The following PIGU variants were observed in gnomAD, a reference collection of about 807,000 sequenced individuals.
PIGU encodes the protein GPI-anchor transamidase component PIGU.
Under a neutral mutation model 49.9 loss-of-function variants are expected in PIGU, and 24 were observed. The observed-to-expected ratio is 0.48, with a 90% CI of 0.35 to 0.68. The LOEUF (loss-of-function observed/expected upper bound fraction) is 0.68, where lower values mean the gene tolerates loss of function less well. Ranked by LOEUF, PIGU falls within the 30% of genes least tolerant of loss-of-function variation. The pLI is 0.01. For synonymous variants in PIGU, 220 were observed against 205.7 expected (o/e 1.07, Z -0.59); for missense variants, 490 against 532.6 (o/e 0.92, Z 0.79).
intron 11 of PIGU, among the ~76,000 whole-genome samples, chr20:34,564,246 C>T (rs367898467): frequency 3.9e-5 from 6 of 152,196 alleles, no homozygotes; most frequent in African/African-American, 1.4e-4. Context: ...TTTTGACAAA[C>T]ACATCACGGT....
At chr20:34,563,884 C>T (rs1349313672) in intron 11 of PIGU, among the ~76,000 whole-genome samples, 1 of 152,126 alleles carries the variant, frequency 6.6e-6, no homozygotes, top group African/African-American at 2.4e-5. Context: ...TAGCATGTAA[C>T]CCCAATAGAT....
chr20:34,629,998 G>T (rs1469040403), intron 6 of PIGU, among the ~76,000 whole-genome samples: 1 of 152,140 alleles, frequency 6.6e-6, no homozygotes, highest in Non-Finnish European at 1.5e-5. Flanking sequence ...GGCCTACAAA[G>T]AGGATTACTA....
At chr20:34,577,440 G>A (rs531481968) in intron 10 of PIGU, among the ~76,000 whole-genome samples, 2 of 152,348 alleles carry the variant, frequency 1.3e-5, no homozygotes, top group African/African-American at 4.8e-5. Flanking sequence ...TCACGGCCGG[G>A]TATGGTGGCT....
intron 1 of PIGU, among the ~76,000 whole-genome samples, chr20:34,671,353 C>G (rs1987300472): frequency 6.6e-6 from 1 of 152,008 alleles, no homozygotes; most frequent in African/African-American, 2.4e-5. Flanking sequence ...CCTCTGCCCC[C>G]CGGGTTCAAG....
At chr20:34,669,871 A>T (rs1244565680) in intron 1 of PIGU, among the ~76,000 whole-genome samples, 1 of 152,126 alleles carries the variant, frequency 6.6e-6, no homozygotes, top group Non-Finnish European at 1.5e-5. Context: ...GGGACCCTAA[A>T]AATTAAGAGA....
intron 6 of PIGU, among the ~76,000 whole-genome samples, chr20:34,630,276 T>C (rs976656550): frequency 6.6e-6 from 1 of 152,116 alleles, no homozygotes; most frequent in African/African-American, 2.4e-5. Context: ...AGGAACTACT[T>C]TGCACAGTAG....
At chr20:34,673,149 G>C (rs369265709) in intron 1 of PIGU, among the ~76,000 whole-genome samples, 143 of 151,282 alleles carry the variant, frequency 9.5e-4, no homozygotes, top group African/African-American at 3.3e-3. Flanking sequence ...AGCTACTCGG[G>C]AGGCTGAGGC....
Position 34,644,181 on chromosome 20 carries a change from C to A in PIGU, c.301G>T (p.Asp101Tyr). 3 of 1,610,750 alleles carry A rather than the reference C, an allele frequency of 1.9e-6. No homozygotes were observed. Among genetic ancestry groups the A allele is most frequent in the South Asian group, 2.2e-5 (2 of 90,942 alleles). The change falls in exon 4 of 12, where the codon GAC (aspartate) becomes TAC (tyrosine). Residue 101 changes from aspartate to tyrosine, a missense_variant. Asp to Tyr is a radical substitution (Grantham distance 160). Coordinates refer to ENST00000217446, the MANE Select transcript of PIGU (RefSeq NM_080476.5). ...CTACTTACCACAACTTTATTGAAGT[C>A]CTGGATTGCAAAATACAGGGCAATA... ...TAIALYFAIQ[D>Y]FNKVVFKKQK... is the part of the protein sequence containing the mutation.
At chr20:34,668,988 A>T (rs1486507220) in intron 1 of PIGU, among the ~76,000 whole-genome samples, 1 of 145,364 alleles carries the variant, frequency 6.9e-6, no homozygotes, top group African/African-American at 2.5e-5. Flanking sequence ...AGGCTCAAGC[A>T]ATCCTCCCAC....
chr20:34,599,169 T>C (rs972461057), intron 7 of PIGU, among the ~76,000 whole-genome samples: 6 of 152,136 alleles, frequency 3.9e-5, no homozygotes, highest in African/African-American at 7.2e-5. Flanking sequence ...CCAGTAAAAA[T>C]TGGCCAGGTG....
chr20:34,612,633 T>TC (rs1168675414), intron 7 of PIGU, among the ~76,000 whole-genome samples: 1 of 151,248 alleles, frequency 6.6e-6, no homozygotes, highest in Non-Finnish European at 1.5e-5. Context: ...TTTTTTTTTT[T>TC]CTTTTTTTGA....
chr20:34,599,770 G>A (rs1984342229), intron 7 of PIGU, among the ~76,000 whole-genome samples: 1 of 152,172 alleles, frequency 6.6e-6, no homozygotes, highest in Non-Finnish European at 1.5e-5. Flanking sequence ...TTAAGCTGGA[G>A]ACAGCATTAC....
At chr20:34,608,733 A>T (rs76624939) in intron 7 of PIGU, among the ~76,000 whole-genome samples, 1 of 152,186 alleles carries the variant, frequency 6.6e-6, no homozygotes, top group Non-Finnish European at 1.5e-5. Context: ...CGATCAGGGT[A>T]CAGCCACTCA....
intron 1 of PIGU, among the ~76,000 whole-genome samples, chr20:34,673,146 C>T (rs1042342797): frequency 1.4e-5 from 2 of 146,980 alleles, no homozygotes; most frequent in East Asian, 4.1e-4. Context: ...CCCAGCTACT[C>T]GGGAGGCTGA....
At position 34,667,234 on chromosome 20, in the gene PIGU, G is replaced by A. The variant is rs373870404; in HGVS notation, c.130+9722C>T. ...GACAAATATTATTTTTCAGTTTCCCGTATCAATAAGGACAAAAGCTTGTTC... is the reference window on the plus strand; with the variant it reads ...GACAAATATTATTTTTCAGTTTCCCATATCAATAAGGACAAAAGCTTGTTC... On this transcript the variant is annotated intron_variant, in intron 1 of 11. Transcript: ENST00000217446. Among the ~76,000 whole-genome samples the A allele has an allele frequency of 1.1e-4, 16 of 152,134 alleles. No individual in the cohort carries two copies. The East Asian group carries it at 1.4e-3, about 13-fold the overall frequency.
chr20:34,604,321 G>C (rs1436425860), intron 7 of PIGU, among the ~76,000 whole-genome samples: 1 of 152,138 alleles, frequency 6.6e-6, no homozygotes, highest in African/African-American at 2.4e-5. Context: ...AGCATTTTCT[G>C]TACAGAAACC....
At chr20:34,595,404 G>T (rs1004314838) in intron 7 of PIGU, among the ~76,000 whole-genome samples, 2 of 152,160 alleles carry the variant, frequency 1.3e-5, no homozygotes, top group African/African-American at 4.8e-5. Context: ...CATAGGAGAG[G>T]ATATGCCTAG....
chr20:34,569,215 A>G (rs1377238793), intron 11 of PIGU, among the ~76,000 whole-genome samples: 3 of 152,118 alleles, frequency 2.0e-5, no homozygotes, highest in African/African-American at 4.8e-5. Flanking sequence ...AAAAGAAAAA[A>G]AAATGAAATA....
chr20:34,580,891 G>T (rs1219994192), intron 10 of PIGU, among the ~76,000 whole-genome samples: 1 of 152,170 alleles, frequency 6.6e-6, no homozygotes, highest in African/African-American at 2.4e-5. Flanking sequence ...AGCTTAGAGG[G>T]GTTGTCACAG....
Sources: allele counts gnomAD v4.1 joint callset (sites outside exome capture counted in the v4.1 genomes callset), GRCh38; gene constraint gnomAD v4.1.1; transcripts MANE v1.5; gene names NCBI Gene and HGNC (gene_info 2026-07-23, HGNC 2026-07-21).